Variants in TRPC7 observed in about 807,000 individuals in gnomAD.
TRPC7 encodes the protein transient receptor potential cation channel subfamily C member 7, also known as short transient receptor potential channel 7.
In TRPC7, 42 loss-of-function variants were observed where a neutral mutation model predicts 90.1. That is an observed-to-expected ratio of 0.47 (90% CI 0.36 to 0.60). The LOEUF (loss-of-function observed/expected upper bound fraction) is 0.60. Ranked by LOEUF, TRPC7 falls within the 20% of genes least tolerant of loss-of-function variation. The pLI is 0.00. For missense variants in TRPC7, 955 were observed against 1,112.3 expected, an observed-to-expected ratio of 0.86 and a Z score of 2.01; for synonymous variants, 451 against 436.3, an observed-to-expected ratio of 1.03 and a Z score of -0.42.
chr5:136,358,586 A>G (rs1039711155), intron 1 of TRPC7, among the ~76,000 whole-genome samples: 3 of 152,206 alleles, frequency 2.0e-5, no homozygotes, highest in Non-Finnish European at 4.4e-5. Flanking sequence ...CCAAACTTAC[A>G]TTACCAAAGT....
chr5:136,357,305 C>A lies in TRPC7; in HGVS notation c.83G>T (p.Gly28Val). Residue 28 changes from glycine to valine, a missense_variant, in exon 2 of 12, where the codon GGT becomes GTT. Physicochemically the swap from Gly to Val is moderately radical, Grantham distance 109. Transcript: ENST00000513104. ...REKGRRQAIR[G>V]PAYMFNEKGT... is the part of the protein sequence containing the mutation. ...CTTCTCGTTGAACATGTAGGCGGGACCCCGGATGGCCTGGCGACGGCCCTT... is the reference window on the plus strand; with the variant it reads ...CTTCTCGTTGAACATGTAGGCGGGAACCCGGATGGCCTGGCGACGGCCCTT... The A allele has an allele frequency of 3.1e-6, 5 of 1,610,644 alleles. No homozygotes were observed. Among genetic ancestry groups the A allele is most frequent in the Non-Finnish European group, 3.4e-6 (4 of 1,179,866 alleles).
intron 3 of TRPC7, among the ~76,000 whole-genome samples, chr5:136,279,463 G>A (rs141172333): frequency 3.2e-3 from 484 of 152,248 alleles, no homozygotes; most frequent in African/African-American, 0.011. Context: ...TTCTGGAGGC[G>A]GAAGCATTTT....
intron 3 of TRPC7, among the ~76,000 whole-genome samples, chr5:136,278,072 G>A (rs1355230206): frequency 6.6e-6 from 1 of 152,210 alleles, no homozygotes; most frequent in Non-Finnish European, 1.5e-5. Flanking sequence ...GGAGGGACTG[G>A]AGAGGAGTTG....
chr5:136,286,736 C>T (rs1336358908), intron 3 of TRPC7, among the ~76,000 whole-genome samples: 3 of 152,172 alleles, frequency 2.0e-5, no homozygotes, highest in East Asian at 3.8e-4. Context: ...CGAACACTGC[C>T]CATCAGTTTC....
chr5:136,347,363 C>T (rs997990030), intron 2 of TRPC7, among the ~76,000 whole-genome samples: 6 of 152,130 alleles, frequency 3.9e-5, no homozygotes, highest in African/African-American at 1.4e-4. Context: ...TTTGAATGTC[C>T]AAAGTCCCAT....
chr5:136,356,733 T>C lies in TRPC7; in HGVS notation c.655A>G (p.Met219Val). The change falls in exon 2 of 12, where the codon ATG (methionine) becomes GTG (valine). Residue 219 changes from methionine to valine, a missense_variant. By Grantham distance (21) the Met-to-Val change is conservative (BLOSUM62 1). Around this residue, in one of 4 missense-constraint regions of TRPC7, gnomAD observed 484 missense variants for 509.6 expected, o/e 0.95. Transcript: ENST00000513104. ...KDSFSHSRSRMNAYKGLASAA... is the reference protein window; with the variant it reads ...KDSFSHSRSRVNAYKGLASAA... ...CTCGCCAGTCCTTTGTAGGCGTTCATGCGCGAGCGCGAGTGGCTGAAGGAG... is the reference window on the plus strand; with the variant it reads ...CTCGCCAGTCCTTTGTAGGCGTTCACGCGCGAGCGCGAGTGGCTGAAGGAG... 1.2e-6 allele frequency: 2 copies of C among 1,612,506 alleles called. No individual in the cohort carries two copies. The highest frequency in any genetic ancestry group is 1.7e-6 in the Non-Finnish European group (2 of 1,179,034).
At chr5:136,304,535 T>A (rs1463687162) in intron 3 of TRPC7, among the ~76,000 whole-genome samples, 1 of 152,082 alleles carries the variant, frequency 6.6e-6, no homozygotes, top group African/African-American at 2.4e-5. Context: ...CTCCCTCTAC[T>A]ACCCATTATT....
Position 136,247,224 on chromosome 5 carries a change from AT to A in TRPC7, c.1844+246del, listed in dbSNP as rs35253435. On this transcript the variant is annotated intron_variant, in intron 7 of 11. Coordinates refer to ENST00000513104, the MANE Select transcript of TRPC7 (RefSeq NM_020389.3). This position sits in a 1 kb window ranked among gnomAD's most constrained non-coding sequence, Gnocchi z 4.2. ...AGAAAACGTAGCATTCCTACATGTGATTTTTTTTTTTCTAAATGGGAACATG... is the reference window on the plus strand; with the variant it reads ...AGAAAACGTAGCATTCCTACATGTGATTTTTTTTTTCTAAATGGGAACATG... 0.031 allele frequency among the ~76,000 whole-genome samples: 4,691 copies of A among 150,128 alleles called. 229 individuals carry two copies. The highest frequency in any genetic ancestry group is 0.1 in the African/African-American group (4,134 of 40,956).
chr5:136,292,693 A>T (rs1415829025), intron 3 of TRPC7, among the ~76,000 whole-genome samples: 1 of 152,228 alleles, frequency 6.6e-6, no homozygotes, highest in Non-Finnish European at 1.5e-5. Flanking sequence ...AGATGGATTC[A>T]CAGCCGAATT....
Position 136,266,241 on chromosome 5 carries a change from G to T in TRPC7, c.1324C>A (p.Leu442Ile). 10 of 1,613,790 alleles carry T rather than the reference G, an allele frequency of 6.2e-6. No homozygotes were observed. Among genetic ancestry groups the T allele is most frequent in the Non-Finnish European group, 8.5e-6 (10 of 1,179,736 alleles). Residue 442 changes from leucine (L) to isoleucine (I), a missense_variant, in exon 5 of 12, where the codon CTC (leucine) becomes ATC (isoleucine). Around this residue, in one of 4 missense-constraint regions of TRPC7, gnomAD observed 484 missense variants for 509.6 expected, o/e 0.95. Coordinates refer to ENST00000513104, the MANE Select transcript of TRPC7 (RefSeq NM_020389.3). ...KTTQFSWTEMLIMKWVLGMIW... is the reference protein window; with the variant it reads ...KTTQFSWTEMIIMKWVLGMIW... ...TTACCTAAGACCCACTTCATAATGAGCATTTCTGTCCAGGAGAACTGTGTG... is the reference window on the plus strand; with the variant it reads ...TTACCTAAGACCCACTTCATAATGATCATTTCTGTCCAGGAGAACTGTGTG...
At chr5:136,244,593 C>G (rs1168142926) in intron 7 of TRPC7, among the ~76,000 whole-genome samples, 1 of 152,176 alleles carries the variant, frequency 6.6e-6, no homozygotes, top group Non-Finnish European at 1.5e-5. Context: ...TGCAAGGCAC[C>G]ATGCTAGGCT....
intron 2 of TRPC7, among the ~76,000 whole-genome samples, chr5:136,325,896 A>C (rs1561719693): frequency 2.0e-5 from 3 of 152,204 alleles, no homozygotes; most frequent in Admixed American, 1.3e-4. Flanking sequence ...GTAACAAAGG[A>C]TCAAAGGCTA....
At chr5:136,359,288 A>G (rs967670684) in intron 1 of TRPC7, among the ~76,000 whole-genome samples, 1 of 152,202 alleles carries the variant, frequency 6.6e-6, no homozygotes, top group Non-Finnish European at 1.5e-5. Flanking sequence ...TTCCCTTGGG[A>G]AAAAGCTCCT....
At chr5:136,350,016 C>T (rs778711176) in intron 2 of TRPC7, among the ~76,000 whole-genome samples, 2 of 152,170 alleles carry the variant, frequency 1.3e-5, no homozygotes, top group Non-Finnish European at 2.9e-5. Flanking sequence ...ACATGCTGCA[C>T]AGGTTTATAG....
intron 10 of TRPC7, among the ~76,000 whole-genome samples, chr5:136,224,375 TTC>T (rs1170095533): frequency 6.6e-6 from 1 of 152,114 alleles, no homozygotes; most frequent in Non-Finnish European, 1.5e-5. Context: ...AGCATAAAAG[TTC>T]TTTTTCTAAT....
chr5:136,296,375 A>C (rs930979273), intron 3 of TRPC7, among the ~76,000 whole-genome samples: 1 of 152,180 alleles, frequency 6.6e-6, no homozygotes, highest in Non-Finnish European at 1.5e-5. Flanking sequence ...ATTTTGCAAT[A>C]TATTTCAAGA....
At chr5:136,293,984 CT>C (rs1426495168) in intron 3 of TRPC7, among the ~76,000 whole-genome samples, 2 of 152,158 alleles carry the variant, frequency 1.3e-5, no homozygotes, top group African/African-American at 4.8e-5. Flanking sequence ...AGAAATAATG[CT>C]GCATATCTAC....
intron 5 of TRPC7, among the ~76,000 whole-genome samples, chr5:136,255,355 A>G (rs1243961184): frequency 2.0e-5 from 3 of 152,244 alleles, no homozygotes; most frequent in East Asian, 1.9e-4. Context: ...ACCTTCAACA[A>G]CTACCATTCT....
At chr5:136,327,820 C>A (rs1193593294) in intron 2 of TRPC7, among the ~76,000 whole-genome samples, 1 of 152,202 alleles carries the variant, frequency 6.6e-6, no homozygotes, top group Admixed American at 6.5e-5. Flanking sequence ...TTGCATCTTG[C>A]CCAAGTGTTT....
Sources: gnomAD v4.1 joint callset for allele counts (sites outside exome capture counted in the v4.1 genomes callset) on GRCh38, gnomAD v4.1.1 for gene constraint, gnomAD v4.1.1 regional missense constraint, Gnocchi (gnomAD v3.1) non-coding constraint, MANE v1.5 for transcripts, NCBI Gene and HGNC (gene_info 2026-07-23, HGNC 2026-07-21) for gene names.